The following DSCAM variants were observed in gnomAD, a reference collection of about 807,000 sequenced individuals.
DSCAM encodes DS cell adhesion molecule, also known as cell adhesion molecule DSCAM.
DSCAM carries 47 observed loss-of-function variants against 217.7 expected under a neutral mutation model. The ratio of observed to expected loss-of-function variants is 0.22; its 90% CI spans 0.17 to 0.28. The LOEUF is 0.28. Ranked by LOEUF, DSCAM falls within the 10% of genes least tolerant of loss-of-function variation. DSCAM has a pLI of 1.00. For missense variants in DSCAM, 2,080 were observed against 2,618.3 expected (o/e 0.79, Z 4.49); for synonymous variants, 1,056 against 1,015.3 (o/e 1.04, Z -0.76).
At chr21:40,702,269 A>G (rs927012735) in intron 2 of DSCAM, among the ~76,000 whole-genome samples, 2 of 152,182 alleles carry the variant, frequency 1.3e-5, no homozygotes, top group African/African-American at 4.8e-5. Context: ...TATGCATACA[A>G]CTTACAACAT....
At chr21:40,597,463 T>TG (rs200950110) in intron 3 of DSCAM, among the ~76,000 whole-genome samples, 3,977 of 150,750 alleles carry the variant, frequency 0.026, 162 homozygotes, top group East Asian at 0.09. Flanking sequence ...AGCCGGTTTT[T>TG]TTTTTTTTTT....
intron 15 of DSCAM, among the ~76,000 whole-genome samples, chr21:40,168,295 A>G (rs2090619233): frequency 6.6e-6 from 1 of 152,228 alleles, no homozygotes; most frequent in Non-Finnish European, 1.5e-5. Context: ...ATTACATCCC[A>G]GTTAGAGCTG....
chr21:40,074,994 C>T (rs779431691), intron 27 of DSCAM, 43 bp downstream of exon 27: 21 of 1,601,548 alleles, frequency 1.3e-5, no homozygotes, highest in Non-Finnish European at 1.8e-5. Context: ...GGCTGCAGAG[C>T]AGCAGGGGAC....
At chr21:40,410,313 G>A (rs774221087) in intron 3 of DSCAM, among the ~76,000 whole-genome samples, 22 of 151,882 alleles carry the variant, frequency 1.4e-4, no homozygotes, top group South Asian at 6.2e-4. Flanking sequence ...AATGAAATAC[G>A]GATAGAAAAA....
intron 3 of DSCAM, among the ~76,000 whole-genome samples, chr21:40,431,114 A>C (rs1013258981): frequency 6.6e-6 from 1 of 152,256 alleles, no homozygotes; most frequent in African/African-American, 2.4e-5. Context: ...CCACATCTTC[A>C]TTATCTCTCA....
At chr21:40,025,899 C>A (rs995779618) in intron 32 of DSCAM, among the ~76,000 whole-genome samples, 1 of 150,106 alleles carries the variant, frequency 6.7e-6, no homozygotes, top group Admixed American at 6.6e-5. Context: ...TTAGTTATTT[C>A]TTGCCTTCTG....
At chr21:40,350,877 C>CTTTTTTTTTTTT (rs10658416) in intron 5 of DSCAM, among the ~76,000 whole-genome samples, 1 of 63,872 alleles carries the variant, frequency 1.6e-5, no homozygotes, top group Non-Finnish European at 2.7e-5. Flanking sequence ...ATAAGTCATA[C>CTTTTTTTTTTTT]TTTTTTTTTT....
intron 11 of DSCAM, among the ~76,000 whole-genome samples, chr21:40,271,836 T>C (rs2205094): frequency 0.03 from 4,597 of 152,246 alleles, 226 homozygotes; most frequent in African/African-American, 0.11. Flanking sequence ...CGTTCCCCTC[T>C]CCATTTTGTC....
chr21:40,367,430 G>A (rs1433882918), intron 4 of DSCAM, among the ~76,000 whole-genome samples: 1 of 152,060 alleles, frequency 6.6e-6, no homozygotes, highest in Non-Finnish European at 1.5e-5. Flanking sequence ...ACACCAACAT[G>A]TTTCCACCAT....
intron 3 of DSCAM, among the ~76,000 whole-genome samples, chr21:40,428,236 G>C (rs1170487720): frequency 2.7e-4 from 1 of 3,744 alleles, no homozygotes; most frequent in Non-Finnish European, 5.9e-4. Context: ...CAAATACTTT[G>C]TGTGTGTGTG....
intron 20 of DSCAM, among the ~76,000 whole-genome samples, chr21:40,100,975 TAA>T (rs1304907400): frequency 3.9e-5 from 6 of 152,130 alleles, no homozygotes; most frequent in African/African-American, 1.2e-4. Flanking sequence ...AGAGAAGACA[TAA>T]GAGTTCCTTT....
chr21:40,530,159 TC>T (rs1477116811), intron 3 of DSCAM, among the ~76,000 whole-genome samples: 1 of 152,182 alleles, frequency 6.6e-6, no homozygotes, highest in Admixed American at 6.5e-5. Context: ...CATTCCATGG[TC>T]ATTGTACGAC....
intron 3 of DSCAM, among the ~76,000 whole-genome samples, chr21:40,437,440 G>A (rs1373807624): frequency 6.6e-6 from 1 of 152,168 alleles, no homozygotes; most frequent in African/African-American, 2.4e-5. Flanking sequence ...ATTCCCATGA[G>A]CAATTACATA....
At chr21:40,033,480 G>GGC (rs2088570430) in intron 32 of DSCAM, among the ~76,000 whole-genome samples, 1 of 151,994 alleles carries the variant, frequency 6.6e-6, no homozygotes, top group African/African-American at 2.4e-5. Flanking sequence ...CTTAAAACAC[G>GGC]GCGCACCACG....
chr21:40,573,103 C>T (rs1394019087), intron 3 of DSCAM, among the ~76,000 whole-genome samples: 2 of 152,070 alleles, frequency 1.3e-5, no homozygotes, highest in Non-Finnish European at 2.9e-5. Flanking sequence ...TTTGAGAGGC[C>T]GAGGCGGGCA....
At chr21:40,377,702 GGAGTGAAGGAAGGC>G (rs1456884426) in intron 3 of DSCAM, among the ~76,000 whole-genome samples, 1 of 151,962 alleles carries the variant, frequency 6.6e-6, no homozygotes. Context: ...CCCAGGAAGG[GGAGTGAAGGAAGGC>G]GAGTGAAGGA....
At chr21:40,757,876 A>G (rs910881136) in intron 1 of DSCAM, among the ~76,000 whole-genome samples, 15 of 152,364 alleles carry the variant, frequency 9.8e-5, no homozygotes, top group African/African-American at 3.4e-4. Flanking sequence ...CACAGTGGAC[A>G]GAATCGTGTC....
rs969456738 is a variant in DSCAM at position 40,306,181 on chromosome 21, G to T, written c.2062+5900C>A. Among the ~76,000 whole-genome samples, 9 of 149,658 alleles carry T rather than the reference G, an allele frequency of 6.0e-5. 1 individual carries two copies. The highest frequency in any genetic ancestry group is 2.1e-4 in the South Asian group (1 of 4,778). The stretch of plus-strand genomic sequence containing the variant: ...ACATCCCTTGTAAGTTGGATTCCTA[G>T]GTATTTTATTCTCTTTGAAGCAATT... On this transcript the variant is annotated intron_variant, in intron 9 of 32. Transcript: ENST00000400454.
At chr21:40,798,139 T>A (rs191213025) in intron 1 of DSCAM, among the ~76,000 whole-genome samples, 1 of 152,000 alleles carries the variant, frequency 6.6e-6, no homozygotes, top group Admixed American at 6.6e-5. Context: ...ATATACTAAG[T>A]GGGAAAAAAT....
Sources: gnomAD v4.1 joint callset for allele counts (sites outside exome capture counted in the v4.1 genomes callset) on GRCh38, gnomAD v4.1.1 for gene constraint, MANE v1.5 for transcripts, NCBI Gene and HGNC (gene_info 2026-07-23, HGNC 2026-07-21) for gene names.